POFUT3: variants seen among roughly 807,000 people sequenced by gnomAD.
The protein encoded by POFUT3 is GDP-fucose protein O-fucosyltransferase 3.
the POFUT3 span, among the ~76,000 whole-genome samples, chr8:33,421,578 G>A: frequency 6.6e-6 from 1 of 150,420 alleles, no homozygotes; most frequent in African/African-American, 2.5e-5. Flanking sequence ...ATGTTTATTC[G>A]CTTGAGGGAA....
chr8:33,441,255 C>T, the POFUT3 span, among the ~76,000 whole-genome samples: 1 of 147,288 alleles, frequency 6.8e-6, no homozygotes, highest in Non-Finnish European at 1.5e-5. Context: ...CGCTTGAACC[C>T]GGGAAGCAGA....
the POFUT3 span, among the ~76,000 whole-genome samples, chr8:33,350,147 A>G: frequency 1.3e-5 from 2 of 151,982 alleles, no homozygotes; most frequent in Non-Finnish European, 2.9e-5. Flanking sequence ...AGTTCCTTGT[A>G]GATTCTGGAT....
the POFUT3 span, among the ~76,000 whole-genome samples, chr8:33,368,442 T>C: frequency 2.6e-5 from 4 of 152,204 alleles, no homozygotes; most frequent in African/African-American, 9.6e-5. Flanking sequence ...AAAAGGTTAA[T>C]ATGACTTAAA....
At chr8:33,428,382 C>A in the POFUT3 span, among the ~76,000 whole-genome samples, 1 of 152,194 alleles carries the variant, frequency 6.6e-6, no homozygotes, top group African/African-American at 2.4e-5. Context: ...AAGGGAATGT[C>A]TGACTTTAGA....
the POFUT3 span, among the ~76,000 whole-genome samples, chr8:33,309,168 ATATATAT>A: frequency 5.4e-4 from 22 of 40,670 alleles, no homozygotes; most frequent in African/African-American, 2.1e-3. Context: ...AAAAAAAAAA[ATATATAT>A]ATATATATAT....
the POFUT3 span, among the ~76,000 whole-genome samples, chr8:33,449,940 T>C: frequency 6.8e-6 from 1 of 146,466 alleles, no homozygotes; most frequent in African/African-American, 2.5e-5. Flanking sequence ...CTTTTCTTTT[T>C]TTTTTTTTTT....
chr8:33,389,276 C>T, the POFUT3 span: 1 of 1,614,062 alleles, frequency 6.2e-7, no homozygotes. Context: ...AGGGACTACC[C>T]CCAGTTTCAG....
the POFUT3 span, among the ~76,000 whole-genome samples, chr8:33,439,260 G>A: frequency 4.6e-5 from 7 of 152,034 alleles, no homozygotes; most frequent in East Asian, 1.9e-4. Flanking sequence ...AAAATTAGCC[G>A]GGCATGGTGG....
chr8:33,401,108 G>A, the POFUT3 span, among the ~76,000 whole-genome samples: 53 of 152,192 alleles, frequency 3.5e-4, no homozygotes, highest in Admixed American at 3.5e-3. Context: ...TCAGCCACTC[G>A]AGTAGCTGGG....
At chr8:33,428,134 A>C in the POFUT3 span, among the ~76,000 whole-genome samples, 18 of 152,166 alleles carry the variant, frequency 1.2e-4, no homozygotes, top group Non-Finnish European at 2.6e-4. Context: ...AAAAGAAAAA[A>C]AAAATGACCT....
the POFUT3 span, among the ~76,000 whole-genome samples, chr8:33,374,881 T>G: frequency 6.6e-6 from 1 of 150,386 alleles, no homozygotes; most frequent in Non-Finnish European, 1.5e-5. Flanking sequence ...TTCTTTTCTT[T>G]TTTTTTTTTT....
At chr8:33,397,678 C>G in the POFUT3 span, among the ~76,000 whole-genome samples, 1 of 152,058 alleles carries the variant, frequency 6.6e-6, no homozygotes, top group Non-Finnish European at 1.5e-5. Flanking sequence ...TTTGTTGCTA[C>G]CTCTTATTCT....
At chr8:33,328,202 C>A in the POFUT3 span, among the ~76,000 whole-genome samples, 1 of 152,062 alleles carries the variant, frequency 6.6e-6, no homozygotes, top group Non-Finnish European at 1.5e-5. Flanking sequence ...GGAGGGGTGA[C>A]TCCTACAGTG....
the POFUT3 span, among the ~76,000 whole-genome samples, chr8:33,376,062 G>A: frequency 6.6e-6 from 1 of 151,668 alleles, no homozygotes; most frequent in Non-Finnish European, 1.5e-5. Context: ...GAAACATTGG[G>A]TAAATACCAA....
At chr8:33,388,586 C>T in the POFUT3 span, among the ~76,000 whole-genome samples, 1 of 152,066 alleles carries the variant, frequency 6.6e-6, no homozygotes. Flanking sequence ...ATCCACCCAC[C>T]TCAACCTCCC....
the POFUT3 span, among the ~76,000 whole-genome samples, chr8:33,459,233 A>G: frequency 6.6e-6 from 1 of 152,018 alleles, no homozygotes; most frequent in African/African-American, 2.4e-5. Context: ...CCAGCTACTC[A>G]GGAGGCTGAG....
the POFUT3 span, among the ~76,000 whole-genome samples, chr8:33,404,623 T>C: frequency 6.6e-6 from 1 of 152,156 alleles, no homozygotes; most frequent in African/African-American, 2.4e-5. Context: ...TAAGCCACTT[T>C]GGGTCAAGTT....
the POFUT3 span, among the ~76,000 whole-genome samples, chr8:33,342,245 T>C: frequency 1.3e-5 from 2 of 151,814 alleles, no homozygotes; most frequent in African/African-American, 4.8e-5. Context: ...TGGGCTCAGC[T>C]ACACAGGAGG....
the POFUT3 span, among the ~76,000 whole-genome samples, chr8:33,404,175 T>C: frequency 6.6e-6 from 1 of 151,944 alleles, no homozygotes; most frequent in Non-Finnish European, 1.5e-5. Context: ...CCGTCTTGAC[T>C]AAAAATACAA....
Sources: allele counts gnomAD v4.1 joint callset (sites outside exome capture counted in the v4.1 genomes callset), GRCh38; gene constraint gnomAD v4.1.1; transcripts MANE v1.5; gene names NCBI Gene and HGNC (gene_info 2026-07-23, HGNC 2026-07-21).